Variants in HTR2C observed in about 807,000 individuals in gnomAD.
The protein encoded by HTR2C is 5-hydroxytryptamine (serotonin) receptor 2C, G protein-coupled.
HTR2C carries 5 observed loss-of-function variants against 21.0 expected under a neutral mutation model. That is an observed-to-expected ratio of 0.24 (90% CI 0.12 to 0.50). HTR2C has a LOEUF of 0.50. Among genes scored for constraint, HTR2C ranks in the 20% least tolerant of loss-of-function variants. The probability of loss-of-function intolerance (pLI) is 0.98; values close to 1 mark genes in which losing one functional copy is unlikely to be tolerated. For missense variants in HTR2C, 271 were observed against 371.2 expected, an observed-to-expected ratio of 0.73 and a Z score of 2.22; for synonymous variants, 150 against 145.3, an observed-to-expected ratio of 1.03 and a Z score of -0.23.
At chrX:114,732,001 T>A (rs1236866573) in intron 4 of HTR2C, among the ~76,000 whole-genome samples, 1 of 111,693 alleles carries the variant, frequency 9.0e-6, no homozygotes, top group Admixed American at 9.6e-5. Context: ...TCCTCTTTAA[T>A]AAATATATTT....
chrX:114,683,572 C>T (rs1242672072), intron 2 of HTR2C, among the ~76,000 whole-genome samples: 2 of 110,705 alleles, frequency 1.8e-5, no homozygotes, highest in Admixed American at 9.6e-5. Flanking sequence ...ATCACTTGAG[C>T]TTAGGAGTTT....
chrX:114,771,434 G>C (rs1469457017), intron 4 of HTR2C, among the ~76,000 whole-genome samples: 3 of 111,763 alleles, frequency 2.7e-5, no homozygotes, highest in African/African-American at 9.8e-5. Context: ...TAAATGCTAT[G>C]AGCCAGTTTT....
At chrX:114,868,266 A>G (rs781937264) in intron 5 of HTR2C, among the ~76,000 whole-genome samples, 2 of 110,983 alleles carry the variant, frequency 1.8e-5, no homozygotes, top group East Asian at 5.6e-4. Flanking sequence ...CTATTTTTTA[A>G]GAAAAACTTA....
At chrX:114,878,033 T>C (rs1463128260) in intron 5 of HTR2C, among the ~76,000 whole-genome samples, 2 of 110,860 alleles carry the variant, frequency 1.8e-5, no homozygotes, top group African/African-American at 6.5e-5. Context: ...GGTTGATCTA[T>C]ACACTGTTGA....
intron 4 of HTR2C, among the ~76,000 whole-genome samples, chrX:114,787,189 G>C (rs1299670753): frequency 9.0e-6 from 1 of 111,542 alleles, no homozygotes; most frequent in Non-Finnish European, 1.9e-5. Flanking sequence ...TCTGTCCTTG[G>C]GCCTGGTTCC....
intron 4 of HTR2C, among the ~76,000 whole-genome samples, chrX:114,770,991 G>A (rs1445737034): frequency 9.1e-6 from 1 of 109,484 alleles, no homozygotes; most frequent in Non-Finnish European, 1.9e-5. Flanking sequence ...TAATAGAGAC[G>A]AGGTTTCACC....
chrX:114,883,832 A>T (rs1050674937), intron 5 of HTR2C, among the ~76,000 whole-genome samples: 1 of 110,418 alleles, frequency 9.1e-6, no homozygotes. Context: ...TATACGATAC[A>T]TTGCTATTAA....
rs368403552 is a variant in HTR2C, at chrX:114,734,131, G to A, written c.349+2524G>A. On this transcript the variant is annotated intron_variant, in intron 4 of 5. Coordinates refer to ENST00000276198, the MANE Select transcript of HTR2C (RefSeq NM_000868.4). ...AATAGAAGAAAAATACATCATATCAGGAATGAACATAAAAAGCACCCAACG... is the reference window on the plus strand; with the variant it reads ...AATAGAAGAAAAATACATCATATCAAGAATGAACATAAAAAGCACCCAACG... Among the ~76,000 whole-genome samples the A allele has an allele frequency of 2.7e-5, 3 of 110,999 alleles. No homozygotes were observed. In the South Asian group the frequency reaches 1.1e-3, roughly 41 times the overall value.
chrX:114,877,425 T>G (rs2071147663), intron 5 of HTR2C, among the ~76,000 whole-genome samples: 1 of 111,193 alleles, frequency 9.0e-6, no homozygotes, highest in Admixed American at 9.6e-5. Flanking sequence ...TTTTCAACCG[T>G]CTTCCCATCT....
At chrX:114,830,193 G>A (rs782268249) in intron 4 of HTR2C, among the ~76,000 whole-genome samples, 12 of 111,090 alleles carry the variant, frequency 1.1e-4, no homozygotes, top group South Asian at 3.8e-4. Flanking sequence ...TTTAATGATC[G>A]ATGCTTGCCT....
chrX:114,774,953 T>A, intron 4 of HTR2C: 2 of 523,074 alleles, frequency 3.8e-6, no homozygotes. Flanking sequence ...TTGCTAATGA[T>A]GAGATTGCAG....
At chrX:114,702,470 A>G (rs1221157468) in intron 2 of HTR2C, among the ~76,000 whole-genome samples, 1 of 109,762 alleles carries the variant, frequency 9.1e-6, no homozygotes, top group Non-Finnish European at 1.9e-5. Context: ...AAGCTTCATA[A>G]GTGAAGGAGA....
rs5988077 is a variant in HTR2C at position 114,664,179 on chromosome X, T to C, written c.-80+50298T>C. ...CTACCACAATCACTATGGCTGCCACTGGTTGTGAAAATCACCTCATTTTAT... is the reference window on the plus strand; with the variant it reads ...CTACCACAATCACTATGGCTGCCACCGGTTGTGAAAATCACCTCATTTTAT... On this transcript the variant is annotated intron_variant, in intron 2 of 5. Transcript: ENST00000276198. Among the ~76,000 whole-genome samples, 282 of 112,199 alleles carry C rather than the reference T, an allele frequency of 2.5e-3. 2 individuals carry two copies. Among genetic ancestry groups the C allele is most frequent in the African/African-American group, 8.8e-3 (272 of 30,921 alleles).
intron 4 of HTR2C, among the ~76,000 whole-genome samples, chrX:114,744,748 A>G (rs1415062343): frequency 1.8e-5 from 2 of 111,580 alleles, no homozygotes; most frequent in African/African-American, 6.5e-5. Flanking sequence ...CACCGCACTC[A>G]GCCCCCCAAA....
intron 5 of HTR2C, among the ~76,000 whole-genome samples, chrX:114,874,135 C>T (rs1026650373): frequency 6.6e-3 from 176 of 26,694 alleles, no homozygotes; most frequent in Middle Eastern, 0.014. Context: ...CTGAATAATT[C>T]TCTTGTGTGT....
chrX:114,871,551 C>T (rs945702721), intron 5 of HTR2C, among the ~76,000 whole-genome samples: 2 of 110,344 alleles, frequency 1.8e-5, no homozygotes, highest in Non-Finnish European at 3.8e-5. Flanking sequence ...TGTACTTGGG[C>T]CTTTCTCTCT....
rs1022218668 is a variant in HTR2C, at chrX:114,826,757, A to T, written c.350-21246A>T. Among the ~76,000 whole-genome samples the T allele has an allele frequency of 2.7e-5, 3 of 111,050 alleles. No individual in the cohort carries two copies. The East Asian group carries it at 8.5e-4, about 31-fold the overall frequency. On this transcript the variant is annotated intron_variant, in intron 4 of 5. Coordinates refer to ENST00000276198, the MANE Select transcript of HTR2C (RefSeq NM_000868.4). Reference sequence around the variant, plus strand: ...TATTTTTATTCTCAATTTTAATCCAAAATCGCTATCTCTTTCCTTGAATTG... The same window carrying T: ...TATTTTTATTCTCAATTTTAATCCATAATCGCTATCTCTTTCCTTGAATTG...
intron 2 of HTR2C, among the ~76,000 whole-genome samples, chrX:114,644,985 G>T (rs188971227): frequency 6.3e-5 from 7 of 110,668 alleles, no homozygotes; most frequent in Admixed American, 1.9e-4. Flanking sequence ...AAAGCAGGTG[G>T]AGAGAAAGGA....
At chrX:114,770,092 G>A (rs1295269717) in intron 4 of HTR2C, among the ~76,000 whole-genome samples, 1 of 110,830 alleles carries the variant, frequency 9.0e-6, no homozygotes, top group African/African-American at 3.3e-5. Flanking sequence ...ATCTTATTTG[G>A]GTCCCTTTGT....
Sources: allele counts gnomAD v4.1 joint callset (sites outside exome capture counted in the v4.1 genomes callset), GRCh38; gene constraint gnomAD v4.1.1; transcripts MANE v1.5; gene names NCBI Gene and HGNC (gene_info 2026-07-23, HGNC 2026-07-21).